ATAD2B: variants seen among roughly 807,000 people sequenced by gnomAD.
ATAD2B encodes the protein ATPase family AAA domain containing 2B.
Under a neutral mutation model 167.6 loss-of-function variants are expected in ATAD2B, and 40 were observed. That is an observed-to-expected ratio of 0.24 (90% CI 0.19 to 0.31). ATAD2B has a LOEUF of 0.31. Ranked by LOEUF, ATAD2B falls within the 10% of genes least tolerant of loss-of-function variation. The pLI is 1.00. For synonymous variants in ATAD2B, 579 were observed against 596.5 expected (o/e 0.97, Z 0.43); for missense variants, 1,242 against 1,757.2 (o/e 0.71, Z 5.24).
chr2:23,919,167 A>AC (rs1160752001), intron 1 of ATAD2B, among the ~76,000 whole-genome samples: 42 of 148,648 alleles, frequency 2.8e-4, no homozygotes, highest in Admixed American at 1.8e-3. Flanking sequence ...ACATAAAAAG[A>AC]CCCCATCTCT....
At position 23,769,570 on chromosome 2, in the gene ATAD2B, T is replaced by A. The variant is rs532943418; in HGVS notation, c.3134-3942A>T. Reference sequence around the variant, plus strand: ...TAAACATTCTAAGAAACTTCTAGACTGTTTTCCAAGTCAGCTGTTTCATTT... The same window carrying A: ...TAAACATTCTAAGAAACTTCTAGACAGTTTTCCAAGTCAGCTGTTTCATTT... On this transcript the variant is annotated intron_variant, in intron 22 of 27. Coordinates refer to ENST00000238789, the MANE Select transcript of ATAD2B (RefSeq NM_017552.4). Among the ~76,000 whole-genome samples, 32 of 152,270 alleles carry A rather than the reference T, an allele frequency of 2.1e-4. No individual in the cohort carries two copies. In the South Asian group the frequency reaches 6.4e-3, roughly 31 times the overall value.
chr2:23,828,909 T>G lies in ATAD2B; in HGVS notation c.1759A>C (p.Arg587=), dbSNP rs897261017. The part of the protein sequence containing the change: ...ARKHILQIHT[R]DWNPKLSDAF... Reference sequence around the variant, plus strand: ...TCTGACAATTTTGGATTCCAGTCCCTGGTATGGATCTGTAAGATGTGTTTT... The same window carrying G: ...TCTGACAATTTTGGATTCCAGTCCCGGGTATGGATCTGTAAGATGTGTTTT... Residue 587 remains arginine, a synonymous_variant, in exon 15 of 28, where the codon AGG becomes CGG. Coordinates refer to ENST00000238789, the MANE Select transcript of ATAD2B (RefSeq NM_017552.4). The G allele has an allele frequency of 1.2e-5, 20 of 1,608,986 alleles. No individual in the cohort carries two copies. The highest frequency in any genetic ancestry group is 1.5e-5 in the Non-Finnish European group (18 of 1,177,486).
intron 19 of ATAD2B, 126 bp from the exon 20 acceptor site, chr2:23,788,773 G>T (rs1417425298): frequency 3.7e-6 from 3 of 816,590 alleles, no homozygotes; most frequent in Admixed American, 2.9e-5. Context: ...TTCACATGGG[G>T]TTATAGTTAA....
intron 1 of ATAD2B, among the ~76,000 whole-genome samples, chr2:23,918,584 T>C (rs947614377): frequency 7.9e-5 from 12 of 152,184 alleles, no homozygotes; most frequent in African/African-American, 2.9e-4. Flanking sequence ...GTCCTATATT[T>C]CATATCCCTA....
the ATAD2B span, among the ~76,000 whole-genome samples, chr2:23,694,485 ACACTGAACATCTCATCCATCCACTCAAAC>A: frequency 6.6e-6 from 1 of 152,140 alleles, no homozygotes; most frequent in Non-Finnish European, 1.5e-5. Flanking sequence ...CTCTAAAAGC[ACACTGAACATCTCATCCATCCACTCAAAC>A]CCCTCCTCAG....
chr2:23,715,048 A>G, the ATAD2B span, among the ~76,000 whole-genome samples: 1 of 152,158 alleles, frequency 6.6e-6, no homozygotes, highest in Non-Finnish European at 1.5e-5. Flanking sequence ...AAACACACCT[A>G]CAATAACTAC....
the ATAD2B span, among the ~76,000 whole-genome samples, chr2:23,693,008 C>G: frequency 6.6e-6 from 1 of 152,166 alleles, no homozygotes; most frequent in African/African-American, 2.4e-5. Flanking sequence ...CTCCATGCCT[C>G]CCAGTCTCGG....
At chr2:23,876,635 T>G (rs1304926627) in intron 7 of ATAD2B, among the ~76,000 whole-genome samples, 1 of 152,170 alleles carries the variant, frequency 6.6e-6, no homozygotes, top group African/African-American at 2.4e-5. Context: ...AGTCATGTGT[T>G]TTCAAGTACC....
At chr2:23,908,070 T>C (rs184416060) in intron 1 of ATAD2B, among the ~76,000 whole-genome samples, 65 of 152,276 alleles carry the variant, frequency 4.3e-4, no homozygotes, top group African/African-American at 1.5e-3. Context: ...ATTCAGGACA[T>C]AGGCAATGGG....
the ATAD2B span, among the ~76,000 whole-genome samples, chr2:23,738,615 T>C: frequency 6.6e-6 from 1 of 152,198 alleles, no homozygotes; most frequent in African/African-American, 2.4e-5. Flanking sequence ...GTAAAGAGCA[T>C]CAAGGCTAGG....
chr2:23,769,398 C>T (rs1677953540), intron 22 of ATAD2B, among the ~76,000 whole-genome samples: 2 of 152,042 alleles, frequency 1.3e-5, no homozygotes, highest in South Asian at 4.2e-4. Flanking sequence ...CGAGACAGCG[C>T]CACTGCACTC....
intron 13 of ATAD2B, among the ~76,000 whole-genome samples, chr2:23,850,423 GA>G (rs1159868307): frequency 6.6e-6 from 1 of 151,860 alleles, no homozygotes; most frequent in African/African-American, 2.4e-5. Context: ...GCCTATATTA[GA>G]AAAAAAGAAA....
In ATAD2B at chr2:23,834,778, C is replaced by T. The variant is rs993759522; in HGVS notation, c.1569-700G>A. Among the ~76,000 whole-genome samples, 9 of 151,962 alleles carry T rather than the reference C, an allele frequency of 5.9e-5. No individual in the cohort carries two copies. The South Asian group carries it at 8.3e-4, about 14-fold the overall frequency. ...TTTAAAAGTAGGCAAAAGGGCCAGG[C>T]GCGGTGGTGCATGCCTATAATCCCA... is the stretch of plus-strand genomic sequence containing the variant. On this transcript the variant is annotated intron_variant, in intron 13 of 27. Coordinates refer to ENST00000238789, the MANE Select transcript of ATAD2B (RefSeq NM_017552.4).
At chr2:23,847,231 C>T (rs1316812088) in intron 13 of ATAD2B, among the ~76,000 whole-genome samples, 1 of 148,168 alleles carries the variant, frequency 6.7e-6, no homozygotes, top group Non-Finnish European at 1.5e-5. Flanking sequence ...AGTGGCTGGG[C>T]GCTTTGGCTC....
the ATAD2B span, chr2:23,708,044 AC>A: frequency 6.6e-6 from 1 of 152,222 alleles, no homozygotes; most frequent in Admixed American, 6.5e-5. Flanking sequence ...ATACACATTT[AC>A]CACTTTTATA....
intron 15 of ATAD2B, 44 bp downstream of exon 15, chr2:23,828,805 A>T: frequency 7.9e-7 from 1 of 1,264,454 alleles, no homozygotes; most frequent in Non-Finnish European, 1.1e-6. Flanking sequence ...GAGGTTGAGC[A>T]GAACAAACAA....
At chr2:23,807,936 TATATAA>T in intron 18 of ATAD2B, among the ~76,000 whole-genome samples, 1 of 127,038 alleles carries the variant, frequency 7.9e-6, no homozygotes, top group East Asian at 2.1e-4. Flanking sequence ...ATTTATAATA[TATATAA>T]ATATATAAAT....
In ATAD2B at chr2:23,884,818, T is replaced by C. The variant is rs1199560539; in HGVS notation, c.731A>G (p.Asn244Ser). ...ATGATGATTTTGTATCCCATAACTA[T>C]TTCTTCTTAGTGACTTTCTTCGCCT... ...VKRRRKSLRR[N>S]SYGIQNHHEV... is the part of the protein sequence containing the mutation. Residue 244 changes from asparagine (N) to serine (S), a missense_variant, in exon 6 of 28, where the codon AAT (asparagine) becomes AGT (serine). Physicochemically the swap from Asn to Ser is conservative, Grantham distance 46. Transcript: ENST00000238789. 3 of 1,602,166 alleles carry C rather than the reference T, an allele frequency of 1.9e-6. No homozygotes were observed. Among genetic ancestry groups the C allele is most frequent in the African/African-American group, 1.3e-5 (1 of 74,758 alleles).
chr2:23,870,445 C>T (rs571102899), intron 8 of ATAD2B, among the ~76,000 whole-genome samples: 32 of 151,916 alleles, frequency 2.1e-4, no homozygotes, highest in African/African-American at 7.5e-4. Context: ...CGCCACCACA[C>T]TGGCTAGTTT....
Sources: allele counts gnomAD v4.1 joint callset (sites outside exome capture counted in the v4.1 genomes callset), GRCh38; gene constraint gnomAD v4.1.1; transcripts MANE v1.5; gene names NCBI Gene and HGNC (gene_info 2026-07-23, HGNC 2026-07-21).